The following NRG1 variants were observed in gnomAD, a reference collection of about 807,000 sequenced individuals.
NRG1 encodes neuregulin 1.
Under a neutral mutation model 63.8 loss-of-function variants are expected in NRG1, and 18 were observed. The observed-to-expected ratio is 0.28, with a 90% confidence interval of 0.19 to 0.42. NRG1 has a LOEUF of 0.42. NRG1 is among the 10% of genes least tolerant of loss of function. The pLI, the probability that NRG1 is intolerant of heterozygous loss-of-function variation, is 1.00. For synonymous variants in NRG1, 302 were observed against 301.3 expected (o/e 1.00, Z -0.02); for missense variants, 762 against 814.7 (o/e 0.94, Z 0.79).
At chr8:32,374,618 C>T (rs1010933692) in intron 1 of NRG1, among the ~76,000 whole-genome samples, 6 of 152,176 alleles carry the variant, frequency 3.9e-5, no homozygotes, top group African/African-American at 1.2e-4. Flanking sequence ...CCCTCTTCTG[C>T]CTCCCAACAT....
chr8:32,598,934 C>T (rs897086396), intron 2 of NRG1, among the ~76,000 whole-genome samples: 1 of 151,914 alleles, frequency 6.6e-6, no homozygotes, highest in Non-Finnish European at 1.5e-5. Flanking sequence ...TTGTTATACC[C>T]ATTTAAAACA....
At position 32,605,565 on chromosome 8, in the gene NRG1, G is replaced by A. The variant is rs142663418; in HGVS notation, c.282G>A (p.Lys94=). The A allele has an allele frequency of 8.1e-6, 13 of 1,613,000 alleles. No individual in the cohort carries two copies. The highest frequency in any genetic ancestry group is 1.3e-5 in the African/African-American group (1 of 74,878). The change falls in exon 3 of 12, where the codon AAG becomes AAA. Residue 94 remains lysine (K), a synonymous_variant. Coordinates refer to ENST00000356819, the Ensembl canonical transcript of NRG1. ...CACTTTGGTCCTGATCTTATAGGAA[G>A]TCAGAACTTCGCATTAACAAAGCAT... is the stretch of plus-strand genomic sequence containing the variant.
intron 1 of NRG1, among the ~76,000 whole-genome samples, chr8:32,177,124 T>C (rs1312063126): frequency 6.6e-6 from 1 of 152,102 alleles, no homozygotes; most frequent in East Asian, 1.9e-4. Context: ...GTGGCACATA[T>C]ACACCATGGA....
chr8:32,122,887 T>C (rs1833649068), intron 1 of NRG1, among the ~76,000 whole-genome samples: 2 of 151,900 alleles, frequency 1.3e-5, no homozygotes, highest in African/African-American at 2.4e-5. Flanking sequence ...TGGTTTTTTG[T>C]CTTTGCGATA....
At chr8:31,733,666 G>T (rs573082789) in intron 1 of NRG1, among the ~76,000 whole-genome samples, 1 of 152,280 alleles carries the variant, frequency 6.6e-6, no homozygotes, top group Non-Finnish European at 1.5e-5. Flanking sequence ...TTACCAGCCA[G>T]AGGACAGAGT....
Position 31,772,774 on chromosome 8 carries a change from G to A in NRG1, c.37+133343G>A, listed in dbSNP as rs533561368. ...GACTGGGTTGTTGTAATGGCAAAGG[G>A]GGAACCTAAAAAATTCTGGACTGAG... is the stretch of plus-strand genomic sequence containing the variant. On this transcript the variant is annotated intron_variant, in intron 1 of 10. Coordinates refer to the NRG1 transcript ENST00000519301. Among the ~76,000 whole-genome samples the A allele has an allele frequency of 8.5e-5, 13 of 152,248 alleles. No individual in the cohort carries two copies. In the South Asian group the frequency reaches 2.5e-3, roughly 29 times the overall value.
intron 1 of NRG1, among the ~76,000 whole-genome samples, chr8:31,740,565 T>C (rs1815158240): frequency 6.6e-6 from 1 of 152,036 alleles, no homozygotes; most frequent in South Asian, 2.1e-4. Context: ...ATGACTTCTT[T>C]CATTACTAAC....
intron 1 of NRG1, among the ~76,000 whole-genome samples, chr8:32,481,826 T>C (rs1381561816): frequency 6.6e-6 from 1 of 152,074 alleles, no homozygotes; most frequent in Non-Finnish European, 1.5e-5. Context: ...GTGGAGGAGA[T>C]GAAAAAAGGC....
At chr8:31,866,728 T>C (rs1485226832) in intron 1 of NRG1, among the ~76,000 whole-genome samples, 1 of 152,216 alleles carries the variant, frequency 6.6e-6, no homozygotes, top group Non-Finnish European at 1.5e-5. Context: ...TATCTCTAGA[T>C]AGGAGCAAAC....
At chr8:32,185,131 TG>T (rs1841842592) in intron 1 of NRG1, among the ~76,000 whole-genome samples, 1 of 152,180 alleles carries the variant, frequency 6.6e-6, no homozygotes, top group East Asian at 1.9e-4. Flanking sequence ...CTCCCGTGGG[TG>T]CTCATGCATG....
chr8:32,559,842 A>C (rs80270151), intron 1 of NRG1, among the ~76,000 whole-genome samples: 2 of 91,982 alleles, frequency 2.2e-5, no homozygotes, highest in Non-Finnish European at 5.6e-5. Flanking sequence ...AAAAAAATAC[A>C]AAAAAAAAAA....
At chr8:32,419,924 T>C (rs1380582932) in intron 1 of NRG1, among the ~76,000 whole-genome samples, 3 of 152,152 alleles carry the variant, frequency 2.0e-5, no homozygotes, top group African/African-American at 7.2e-5. Context: ...CCTGTTTATA[T>C]TGCGCGTCTT....
intron 1 of NRG1, among the ~76,000 whole-genome samples, chr8:32,466,742 A>C (rs1379016785): frequency 6.6e-6 from 1 of 152,116 alleles, no homozygotes; most frequent in Non-Finnish European, 1.5e-5. Flanking sequence ...AGTGTGTTTC[A>C]CGGCCTTGCT....
intron 1 of NRG1, among the ~76,000 whole-genome samples, chr8:32,052,531 C>T (rs1822159848): frequency 6.6e-6 from 1 of 152,066 alleles, no homozygotes; most frequent in South Asian, 2.1e-4. Context: ...ATCCTCCCAC[C>T]TCTACGTTTT....
At chr8:31,889,674 C>T (rs1830996272) in intron 1 of NRG1, among the ~76,000 whole-genome samples, 1 of 152,174 alleles carries the variant, frequency 6.6e-6, no homozygotes, top group Admixed American at 6.5e-5. Flanking sequence ...CAACCCCTTG[C>T]ATGTCACTGC....
intron 1 of NRG1, among the ~76,000 whole-genome samples, chr8:32,322,355 T>TTATATATATATATATATATATATA (rs149742517): frequency 1.2e-4 from 17 of 142,644 alleles, no homozygotes; most frequent in African/African-American, 4.5e-4. Context: ...CAACCTTATT[T>TTATATATATATATATATATATATA]TATATATATA....
At chr8:32,531,225 C>T (rs1213825046) in intron 1 of NRG1, among the ~76,000 whole-genome samples, 1 of 151,908 alleles carries the variant, frequency 6.6e-6, no homozygotes, top group Non-Finnish European at 1.5e-5. Flanking sequence ...AAATACCATG[C>T]AATTCTAATG....
chr8:32,366,677 G>GTGTATA (rs1164696498), intron 1 of NRG1, among the ~76,000 whole-genome samples: 939 of 86,796 alleles, frequency 0.011, 6 homozygotes, highest in South Asian at 0.016. Flanking sequence ...GTGTGTGTGT[G>GTGTATA]TATATATATA....
chr8:32,104,654 A>G (rs895131071), intron 1 of NRG1, among the ~76,000 whole-genome samples: 2 of 152,042 alleles, frequency 1.3e-5, no homozygotes, highest in Non-Finnish European at 1.5e-5. Flanking sequence ...TCCTCATTCT[A>G]CAAACTTTTT....
Sources: gnomAD v4.1 joint callset for allele counts (sites outside exome capture counted in the v4.1 genomes callset) on GRCh38, gnomAD v4.1.1 for gene constraint, MANE v1.5 for transcripts, NCBI Gene and HGNC (gene_info 2026-07-23, HGNC 2026-07-21) for gene names.